PUM2: variants seen among roughly 807,000 people sequenced by gnomAD.
PUM2 encodes pumilio homolog 2.
Under a neutral mutation model 124.5 loss-of-function variants are expected in PUM2, and 57 were observed. The observed-to-expected ratio is 0.46, with a 90% CI of 0.37 to 0.57. The LOEUF is 0.57. PUM2 is among the 20% of genes least tolerant of loss of function. The pLI is 0.00. For missense variants in PUM2, 1,065 were observed against 1,290.6 expected, an observed-to-expected ratio of 0.83 and a Z score of 2.68; for synonymous variants, 460 against 446.1, an observed-to-expected ratio of 1.03 and a Z score of -0.39.
chr2:20,267,908 G>A lies in PUM2; in HGVS notation c.1958-4448C>T, dbSNP rs192053201. Among the ~76,000 whole-genome samples, 14 of 152,334 alleles carry A rather than the reference G, an allele frequency of 9.2e-5. No individual in the cohort carries two copies. In the East Asian group the frequency reaches 2.3e-3, roughly 25 times the overall value. ...AAAAATCTGTGGAAGCTGAACTCCA[G>A]TAGTTTAGCCTTATGTAAACTATGG... On this transcript the variant is annotated intron_variant, in intron 13 of 20. Transcript: ENST00000361078.
Position 20,296,415 on chromosome 2 carries a change from A to G in PUM2, c.1009+1138T>C, listed in dbSNP as rs6745378. Among the ~76,000 whole-genome samples the G allele has an allele frequency of 6.3e-3, 958 of 152,084 alleles. 14 individuals are homozygous for G. The highest frequency in any genetic ancestry group is 0.022 in the African/African-American group (921 of 41,472). ...GAGGCTGAGGCAGGAGAATGGTGTG[A>G]ACCCGGGAGGCGGAGCTTGCAGTGA... On this transcript the variant is annotated intron_variant, in intron 8 of 20. Transcript: ENST00000361078.
intron 13 of PUM2, among the ~76,000 whole-genome samples, chr2:20,273,678 G>T (rs1377765704): frequency 6.6e-6 from 1 of 152,110 alleles, no homozygotes; most frequent in East Asian, 1.9e-4. Context: ...GAGGGTTGTA[G>T]CTGTTTTTCA....
In PUM2 at chr2:20,312,426, G is replaced by A. The variant is rs1572867546; in HGVS notation, c.161-3C>T. 1 of 1,609,968 alleles carries A rather than the reference G, an allele frequency of 6.2e-7. No homozygotes were observed. Among genetic ancestry groups the A allele is most frequent in the Admixed American group, 1.7e-5 (1 of 59,000 alleles). The stretch of plus-strand genomic sequence containing the variant: ...AATAGGCTGGGACATTGAATGGTCT[G>A]TTTGGAAGAAAAAACACAATTATAT... On this transcript the variant is annotated splice_region_variant and splice_polypyrimidine_tract_variant and intron_variant, in intron 3 of 20. Coordinates refer to ENST00000361078, the MANE Select transcript of PUM2 (RefSeq NM_015317.5).
intron 10 of PUM2, among the ~76,000 whole-genome samples, chr2:20,284,462 C>T (rs1672261787): frequency 6.6e-6 from 1 of 152,100 alleles, no homozygotes. Context: ...CTTACATGAT[C>T]CTCCCGCCTC....
At chr2:20,312,737 C>CATATGGA (rs1187909710) in intron 3 of PUM2, among the ~76,000 whole-genome samples, 2 of 152,026 alleles carry the variant, frequency 1.3e-5, no homozygotes, top group African/African-American at 4.8e-5. Flanking sequence ...TCATATGGAA[C>CATATGGA]CAAAAAAGAG....
At chr2:20,295,662 A>G (rs1675353979) in intron 8 of PUM2, among the ~76,000 whole-genome samples, 1 of 152,198 alleles carries the variant, frequency 6.6e-6, no homozygotes, top group Non-Finnish European at 1.5e-5. Context: ...ACACATTGTA[A>G]AAATGAAAGG....
chr2:20,324,458 T>G (rs1683180100), intron 2 of PUM2, among the ~76,000 whole-genome samples: 1 of 152,218 alleles, frequency 6.6e-6, no homozygotes, highest in Admixed American at 6.5e-5. Context: ...ATTCTGGATT[T>G]TCTGAAGAAT....
chr2:20,257,262 C>G (rs1558478273), intron 16 of PUM2, among the ~76,000 whole-genome samples: 1 of 151,958 alleles, frequency 6.6e-6, no homozygotes, highest in Non-Finnish European at 1.5e-5. Flanking sequence ...ATTAAAATTA[C>G]TGTAAAACTC....
intron 1 of PUM2, among the ~76,000 whole-genome samples, chr2:20,336,691 G>T (rs1686119760): frequency 7.1e-6 from 1 of 141,704 alleles, no homozygotes; most frequent in African/African-American, 3.0e-5. Flanking sequence ...TTGTGTGTGT[G>T]TGTGTGTGTG....
intron 2 of PUM2, 138 bp from the exon 3 acceptor site, chr2:20,318,783 C>T: frequency 1.8e-6 from 1 of 554,050 alleles, no homozygotes; most frequent in South Asian, 3.4e-5. Flanking sequence ...ATTTTCTAAG[C>T]TGTTTTGTTA....
intron 13 of PUM2, among the ~76,000 whole-genome samples, chr2:20,277,555 A>C (rs1364763632): frequency 6.6e-6 from 1 of 152,180 alleles, no homozygotes; most frequent in Non-Finnish European, 1.5e-5. Context: ...ATCAAAATGA[A>C]CACTGCAACA....
In PUM2 at chr2:20,251,557, A is replaced by G. The variant is rs201821086; in HGVS notation, c.*28T>C. 2.9e-4 allele frequency: 458 copies of G among 1,595,986 alleles called. No homozygotes were observed. Among genetic ancestry groups the G allele is most frequent in the Non-Finnish European group, 3.7e-4 (434 of 1,169,618 alleles). ...AAAAAAATTCTTTTCACATGGTTAAATTATCTTCTTTCTCTTGCTCCTGTA... is the reference window on the plus strand; with the variant it reads ...AAAAAAATTCTTTTCACATGGTTAAGTTATCTTCTTTCTCTTGCTCCTGTA... On this transcript the variant is annotated 3_prime_UTR_variant, in exon 21 of 21. Transcript: ENST00000361078.
chr2:20,337,846 TAAC>T (rs1347355587), intron 1 of PUM2, among the ~76,000 whole-genome samples: 7 of 152,094 alleles, frequency 4.6e-5, no homozygotes, highest in African/African-American at 1.2e-4. Context: ...CCAAAGAGAA[TAAC>T]AACAGAAATT....
At chr2:20,338,439 C>T (rs998709341) in intron 1 of PUM2, among the ~76,000 whole-genome samples, 2 of 152,106 alleles carry the variant, frequency 1.3e-5, no homozygotes, top group Admixed American at 6.6e-5. Flanking sequence ...TTGTTTACCA[C>T]TTATCCCTTC....
chr2:20,339,347 A>G (rs1686773662), intron 1 of PUM2, among the ~76,000 whole-genome samples: 1 of 149,466 alleles, frequency 6.7e-6, no homozygotes, highest in Non-Finnish European at 1.5e-5. Context: ...TCTCAAGAGA[A>G]AAAAAAAAAA....
At chr2:20,335,089 A>C (rs1040518161) in intron 1 of PUM2, among the ~76,000 whole-genome samples, 21 of 152,010 alleles carry the variant, frequency 1.4e-4, no homozygotes, top group African/African-American at 5.1e-4. Flanking sequence ...ACCCCCAGCA[A>C]ATTTTTGTAT....
At chr2:20,323,504 G>C (rs1450289945) in intron 2 of PUM2, among the ~76,000 whole-genome samples, 1 of 151,322 alleles carries the variant, frequency 6.6e-6, no homozygotes, top group Non-Finnish European at 1.5e-5. Context: ...TAAATATTAG[G>C]TATCTTCACT....
At chr2:20,311,445 T>A in intron 5 of PUM2, 49 bp downstream of exon 5, 1 of 1,519,800 alleles carries the variant, frequency 6.6e-7, no homozygotes, top group Non-Finnish European at 8.9e-7. Context: ...CTAATAGTAA[T>A]AATCCCTAAA....
In PUM2 at chr2:20,248,746, T is replaced by C. The variant is rs1415805986; in HGVS notation, c.*2839A>G. The C allele has an allele frequency of 6.5e-6, 1 of 152,692 alleles. No individual in the cohort carries two copies. Among genetic ancestry groups the C allele is most frequent in the Non-Finnish European group, 1.5e-5 (1 of 68,056 alleles). The allele number at this position is 152,692 out of a possible 1,614,324, so 9.5% of individuals were successfully genotyped here. Reference sequence around the variant, plus strand: ...AAAACACAAGACCAGGTTTATTTCATACAATGTTATTCACACATTTTTCAT... The same window carrying C: ...AAAACACAAGACCAGGTTTATTTCACACAATGTTATTCACACATTTTTCAT... On this transcript the variant is annotated 3_prime_UTR_variant, in exon 21 of 21. Transcript: ENST00000361078.
Sources: gnomAD v4.1 joint callset for allele counts (sites outside exome capture counted in the v4.1 genomes callset) on GRCh38, gnomAD v4.1.1 for gene constraint, MANE v1.5 for transcripts, NCBI Gene and HGNC (gene_info 2026-07-23, HGNC 2026-07-21) for gene names.